Variants in CREB5 observed in about 807,000 individuals in gnomAD.
CREB5 encodes the protein cAMP responsive element binding protein 5, also known as cyclic AMP-responsive element-binding protein 5.
A neutral mutation model predicts 57.1 loss-of-function variants in CREB5; 19 were observed. The ratio of observed to expected loss-of-function variants is 0.33; its 90% CI spans 0.23 to 0.49. The LOEUF (loss-of-function observed/expected upper bound fraction) is 0.49, where lower values mean the gene tolerates loss of function less well. Ranked by LOEUF, CREB5 falls within the 20% of genes least tolerant of loss-of-function variation. CREB5 has a pLI of 0.99. For synonymous variants in CREB5, 238 were observed against 238.3 expected (o/e 1.00, Z 0.01); for missense variants, 579 against 671.6 (o/e 0.86, Z 1.52).
chr7:28,371,491 CAAAAA>C lies in CREB5; in HGVS notation c.-25+72067_-25+72071del, dbSNP rs5883125. ...GAGACAGAGTGAGACTACTCCATCT[CAAAAA>C]AAAAAAAAAAAAAAAAGATTCAGGG... On this transcript the variant is annotated intron_variant, in intron 1 of 9. Coordinates refer to the CREB5 transcript ENST00000396299. Among the ~76,000 whole-genome samples the C allele has an allele frequency of 1.0e-3, 80 of 77,170 alleles. 1 individual carries two copies. The highest frequency in any genetic ancestry group is 3.9e-3 in the African/African-American group (78 of 20,114). The allele number at this position is 77,170 out of a possible 152,430, so 50.6% of individuals were successfully genotyped here. A position where few individuals can be genotyped will look rare whatever the true frequency, so the allele number is the denominator to read the frequency against.
rs1786588022 is a variant in CREB5 at position 28,366,429 on chromosome 7, TGAGGATA to T, written c.-25+66989_-25+66995del. On this transcript the variant is annotated intron_variant, in intron 1 of 9. Transcript: ENST00000396299. ...TCCCCACCCATTTAACTTGTGTATG[TGAGGATA>T]CTACTACTTATTGTTATTGTGAGAC... Among the ~76,000 whole-genome samples the T allele has an allele frequency of 2.0e-5, 3 of 152,166 alleles. No homozygotes were observed. The South Asian group carries it at 6.2e-4, about 32-fold the overall frequency.
At chr7:28,427,642 G>A (rs1788560835) in intron 1 of CREB5, among the ~76,000 whole-genome samples, 1 of 151,866 alleles carries the variant, frequency 6.6e-6, no homozygotes, top group South Asian at 2.1e-4. Context: ...CCTGTCACAG[G>A]GACTTGGGGT....
chr7:28,590,018 T>A (rs967989107), intron 5 of CREB5, among the ~76,000 whole-genome samples: 1 of 152,072 alleles, frequency 6.6e-6, no homozygotes, highest in Non-Finnish European at 1.5e-5. Context: ...ACTGAAAAAG[T>A]CAGGAAACAA....
chr7:28,326,706 G>A (rs1444435525), intron 1 of CREB5, among the ~76,000 whole-genome samples: 1 of 152,314 alleles, frequency 6.6e-6, no homozygotes, highest in African/African-American at 2.4e-5. Flanking sequence ...AAACTTGAAA[G>A]TTTGTTGAAC....
intron 1 of CREB5, among the ~76,000 whole-genome samples, chr7:28,369,958 C>T (rs1786672870): frequency 6.6e-6 from 1 of 152,180 alleles, no homozygotes; most frequent in South Asian, 2.1e-4. Flanking sequence ...GTTATCACCT[C>T]TTGTTCCACT....
chr7:28,427,085 C>T (rs561346338), intron 1 of CREB5, among the ~76,000 whole-genome samples: 1 of 152,316 alleles, frequency 6.6e-6, no homozygotes, highest in East Asian at 1.9e-4. Context: ...TAAAAGACAA[C>T]TGTCATAATA....
At chr7:28,781,405 C>T (rs1806964259) in intron 7 of CREB5, among the ~76,000 whole-genome samples, 2 of 152,172 alleles carry the variant, frequency 1.3e-5, no homozygotes, top group Admixed American at 1.3e-4. Context: ...AAGGAATCTA[C>T]ATGAATGAAA....
chr7:28,444,403 T>C (rs1161629330), intron 1 of CREB5, among the ~76,000 whole-genome samples: 1 of 152,172 alleles, frequency 6.6e-6, no homozygotes, highest in Admixed American at 6.5e-5. Flanking sequence ...CTCAGGAAGC[T>C]AGTTTGCCAG....
chr7:28,621,889 A>G (rs1162244621), intron 5 of CREB5, among the ~76,000 whole-genome samples: 1 of 152,202 alleles, frequency 6.6e-6, no homozygotes, highest in Non-Finnish European at 1.5e-5. Flanking sequence ...ATTGAGGAAG[A>G]GCCTGTAATC....
At chr7:28,308,462 A>G (rs1785224063) in intron 1 of CREB5, among the ~76,000 whole-genome samples, 1 of 152,204 alleles carries the variant, frequency 6.6e-6, no homozygotes, top group African/African-American at 2.4e-5. Context: ...TATTTGATTT[A>G]GGTATTACTA....
intron 1 of CREB5, among the ~76,000 whole-genome samples, chr7:28,385,503 C>G (rs1029876106): frequency 6.6e-6 from 1 of 151,884 alleles, no homozygotes; most frequent in Middle Eastern, 3.4e-3. Flanking sequence ...ATGGTGAAAC[C>G]CTGTCTCTAC....
chr7:28,458,978 A>G (rs942101530), intron 1 of CREB5, among the ~76,000 whole-genome samples: 1 of 152,132 alleles, frequency 6.6e-6, no homozygotes, highest in East Asian at 1.9e-4. Context: ...ATTCTTGCTG[A>G]TGTAATGGGC....
At chr7:28,546,812 G>A (rs1393225652) in intron 4 of CREB5, among the ~76,000 whole-genome samples, 1 of 152,128 alleles carries the variant, frequency 6.6e-6, no homozygotes, top group Non-Finnish European at 1.5e-5. Context: ...TACTTATTTG[G>A]TGATCTTGAA....
At chr7:28,343,442 C>A in intron 1 of CREB5, among the ~76,000 whole-genome samples, 1 of 152,156 alleles carries the variant, frequency 6.6e-6, no homozygotes, top group East Asian at 1.9e-4. Context: ...TGACATCATA[C>A]AGTATTTGTC....
At chr7:28,683,735 A>G (rs957227958) in intron 5 of CREB5, among the ~76,000 whole-genome samples, 3 of 152,286 alleles carry the variant, frequency 2.0e-5, no homozygotes, top group East Asian at 1.9e-4. Context: ...TTCCCAAGCA[A>G]GGCACAGGAA....
intron 1 of CREB5, among the ~76,000 whole-genome samples, chr7:28,324,139 C>G (rs1306359595): frequency 6.6e-6 from 1 of 152,122 alleles, no homozygotes; most frequent in African/African-American, 2.4e-5. Flanking sequence ...GAACCCTGGT[C>G]GAAGGGATAC....
intron 1 of CREB5, among the ~76,000 whole-genome samples, chr7:28,369,267 T>C (rs1255379731): frequency 2.0e-5 from 3 of 152,172 alleles, no homozygotes; most frequent in African/African-American, 7.2e-5. Context: ...CACAGGAGCA[T>C]GGCCAGTGGT....
intron 1 of CREB5, among the ~76,000 whole-genome samples, chr7:28,487,944 A>G (rs1180839381): frequency 6.6e-6 from 1 of 152,160 alleles, no homozygotes; most frequent in Non-Finnish European, 1.5e-5. Flanking sequence ...TCTTCCAAGT[A>G]CAGTCAGTAT....
rs576577805 is a variant in CREB5, at chr7:28,608,928, A to T, written c.464+38391A>T. The T allele has an allele frequency of 1.3e-4, 20 of 152,348 alleles. No homozygotes were observed. The East Asian group carries it at 3.7e-3, about 28-fold the overall frequency. 9.4% of individuals were successfully genotyped at this position (152,348 alleles called of 1,614,324 possible). ...AGGGAGATTTTGCAATTGTTGGCAT[A>T]AATATTAACCAGTAGCGATTAGTCA... On this transcript the variant is annotated intron_variant, in intron 5 of 10. Transcript: ENST00000357727.
Sources: allele counts gnomAD v4.1 joint callset (sites outside exome capture counted in the v4.1 genomes callset), GRCh38; gene constraint gnomAD v4.1.1; transcripts MANE v1.5; gene names NCBI Gene and HGNC (gene_info 2026-07-23, HGNC 2026-07-21).